Variants in PREX1 observed in about 807,000 individuals in gnomAD.
PREX1 encodes the protein phosphatidylinositol-3,4,5-trisphosphate dependent Rac exchange factor 1, also known as phosphatidylinositol 3,4,5-trisphosphate-dependent Rac exchanger 1 protein.
In PREX1, 41 loss-of-function variants were observed where a neutral mutation model predicts 198.3. The observed-to-expected ratio is 0.21, with a 90% confidence interval of 0.16 to 0.27. The LOEUF (loss-of-function observed/expected upper bound fraction) is 0.27. Ranked by LOEUF, PREX1 falls within the 10% of genes least tolerant of loss-of-function variation. The pLI, the probability that PREX1 is intolerant of heterozygous loss-of-function variation, is 1.00. For synonymous variants in PREX1, 843 were observed against 887.2 expected, an observed-to-expected ratio of 0.95 and a Z score of 0.89; for missense variants, 1,620 against 2,200.7, an observed-to-expected ratio of 0.74 and a Z score of 5.28.
upstream of PREX1, among the ~76,000 whole-genome samples, chr20:48,831,391 G>A (rs1483401526): frequency 6.6e-6 from 1 of 152,174 alleles, no homozygotes; most frequent in African/African-American, 2.4e-5. Context: ...GAGAGAAGAG[G>A]AGCTAGCATG....
Position 48,651,414 on chromosome 20 carries a change from G to A in PREX1, c.2637C>T (p.Cys879=). ...AGGAGACCTTGGCGGTGAGGCCGAA[G>A]CAGCCGCGGGGCTCCACGATCTTCT... is the stretch of plus-strand genomic sequence containing the variant. ...VLEKIVEPRG[C]FGLTAKILEA... is the part of the protein sequence containing the mutation. The change falls in exon 22 of 40, where the codon TGC becomes TGT. Residue 879 remains cysteine (C), a synonymous_variant. Transcript: ENST00000371941. The A allele has an allele frequency of 2.5e-6, 4 of 1,608,294 alleles. No homozygotes were observed. Among genetic ancestry groups the A allele is most frequent in the Non-Finnish European group, 3.4e-6 (4 of 1,176,018 alleles).
chr20:48,681,121 A>G (rs2089746494), intron 11 of PREX1, 114 bp downstream of exon 11: 7 of 928,438 alleles, frequency 7.5e-6, no homozygotes, highest in Non-Finnish European at 1.2e-5. Context: ...GTGCCCAGAA[A>G]ACACGGCGGC....
Position 48,651,049 on chromosome 20 carries a change from C to T in PREX1, c.2662G>A (p.Glu888Lys), listed in dbSNP as rs758822863. 11 of 1,613,784 alleles carry T rather than the reference C, an allele frequency of 6.8e-6. No individual in the cohort carries two copies. The highest frequency in any genetic ancestry group is 7.6e-6 in the Non-Finnish European group (9 of 1,179,990). Residue 888 changes from glutamate to lysine, a missense_variant, in exon 23 of 40, where the codon GAG (glutamate) becomes AAG (lysine). This residue lies in a region of PREX1 where 514 missense variants were observed against 611.6 expected (regional missense o/e 0.84). Transcript: ENST00000371941. Reference protein sequence around the residue: ...GCFGLTAKILEAFAANDSVFV... With the variant: ...GCFGLTAKILKAFAANDSVFV... ...ACGCTGTCATTGGCAGCAAAGGCCTCGAGGATCTGCAGAAATGTCAACAGC... is the reference window on the plus strand; with the variant it reads ...ACGCTGTCATTGGCAGCAAAGGCCTTGAGGATCTGCAGAAATGTCAACAGC...
chr20:48,845,810 G>GGTGGTAAT, the PREX1 span, among the ~76,000 whole-genome samples: 1 of 152,172 alleles, frequency 6.6e-6, no homozygotes, highest in African/African-American at 2.4e-5. Context: ...AGGCCAGTGA[G>GGTGGTAAT]GTGGTAATGT....
At chr20:48,754,197 T>G (rs954579446) in intron 1 of PREX1, among the ~76,000 whole-genome samples, 1 of 152,190 alleles carries the variant, frequency 6.6e-6, no homozygotes, top group Non-Finnish European at 1.5e-5. Context: ...TAGGCCTCAT[T>G]ATGTGCAGGT....
the PREX1 span, among the ~76,000 whole-genome samples, chr20:48,859,382 T>A: frequency 2.0e-5 from 3 of 152,092 alleles, no homozygotes; most frequent in African/African-American, 7.2e-5. Context: ...ACCCACCCCA[T>A]AAGTCCCACA....
chr20:48,848,480 C>G, the PREX1 span, among the ~76,000 whole-genome samples: 1 of 152,050 alleles, frequency 6.6e-6, no homozygotes, highest in Non-Finnish European at 1.5e-5. Flanking sequence ...TGGTCTTGAA[C>G]TCCTGGTCTC....
chr20:48,737,616 G>C lies in PREX1; in HGVS notation c.415-2966C>G, dbSNP rs201102674. Among the ~76,000 whole-genome samples the C allele has an allele frequency of 5.3e-5, 8 of 152,292 alleles. No homozygotes were observed. In the East Asian group the frequency reaches 1.5e-3, roughly 29 times the overall value. On this transcript the variant is annotated intron_variant, in intron 3 of 39. Transcript: ENST00000371941. ...ACCCCACCCCAGGGACCATAAGTGA[G>C]CACATGACCCAGACAAAACCAATCA...
At chr20:48,766,288 C>T (rs902859259) in intron 1 of PREX1, among the ~76,000 whole-genome samples, 6 of 152,182 alleles carry the variant, frequency 3.9e-5, no homozygotes, top group African/African-American at 1.2e-4. Context: ...GGTGCCAAAA[C>T]GGCTGGGGAC....
intron 7 of PREX1, among the ~76,000 whole-genome samples, chr20:48,696,559 T>C (rs2089846649): frequency 6.6e-6 from 1 of 152,218 alleles, no homozygotes; most frequent in African/African-American, 2.4e-5. Flanking sequence ...TTTCTATCTC[T>C]GGATTTTCCT....
At chr20:48,754,554 T>C (rs1032454028) in intron 1 of PREX1, among the ~76,000 whole-genome samples, 3 of 151,944 alleles carry the variant, frequency 2.0e-5, no homozygotes, top group African/African-American at 7.3e-5. Flanking sequence ...AGTCACTCCC[T>C]GAGACTGATG....
At chr20:48,633,987 TTGGA>T (rs570120970) in intron 33 of PREX1, among the ~76,000 whole-genome samples, 7 of 150,352 alleles carry the variant, frequency 4.7e-5, no homozygotes, top group South Asian at 2.1e-4. Flanking sequence ...TGGATGATGG[TTGGA>T]TGGATGGATG....
chr20:48,820,202 G>A (rs778827437), intron 1 of PREX1, among the ~76,000 whole-genome samples: 5 of 151,566 alleles, frequency 3.3e-5, no homozygotes, highest in South Asian at 2.1e-4. Context: ...ATAAAAATAA[G>A]CTCAAAAATC....
intron 9 of PREX1, among the ~76,000 whole-genome samples, chr20:48,689,268 T>G (rs146974978): frequency 1.4e-4 from 22 of 152,308 alleles, no homozygotes; most frequent in African/African-American, 5.3e-4. Context: ...TCTGCCCACA[T>G]TTTTCTGTTT....
chr20:48,749,865 A>T (rs538671551), intron 1 of PREX1, among the ~76,000 whole-genome samples: 6 of 147,336 alleles, frequency 4.1e-5, no homozygotes, highest in South Asian at 2.2e-4. Flanking sequence ...ATTTTTTATT[A>T]AAAAAAAAAA....
intron 1 of PREX1, among the ~76,000 whole-genome samples, chr20:48,808,948 C>T (rs1209309216): frequency 6.6e-6 from 1 of 152,212 alleles, no homozygotes; most frequent in Non-Finnish European, 1.5e-5. Context: ...AAAATGCACA[C>T]AGCTGAGTCT....
At chr20:48,778,345 G>A (rs557047850) in intron 1 of PREX1, among the ~76,000 whole-genome samples, 12 of 151,958 alleles carry the variant, frequency 7.9e-5, no homozygotes, top group South Asian at 6.3e-4. Context: ...AGGCCAAGGC[G>A]GGCAGATCAC....
intron 5 of PREX1, among the ~76,000 whole-genome samples, chr20:48,719,262 G>A (rs1343734872): frequency 6.6e-6 from 1 of 152,136 alleles, no homozygotes; most frequent in African/African-American, 2.4e-5. Context: ...TCGAAGATGG[G>A]GCAGCTGAGC....
At chr20:48,649,619 G>A in intron 24 of PREX1, 43 bp from the exon 25 acceptor site, 1 of 1,536,210 alleles carries the variant, frequency 6.5e-7, no homozygotes. Flanking sequence ...ACAGCCCCCA[G>A]CATCCACTGG....
Sources: gnomAD v4.1 joint callset for allele counts (sites outside exome capture counted in the v4.1 genomes callset) on GRCh38, gnomAD v4.1.1 for gene constraint, gnomAD v4.1.1 regional missense constraint, MANE v1.5 for transcripts, NCBI Gene and HGNC (gene_info 2026-07-23, HGNC 2026-07-21) for gene names.